The following TECTA variants were observed in gnomAD, a reference collection of about 807,000 sequenced individuals.
TECTA encodes the protein alpha-tectorin.
Under a neutral mutation model 216.8 loss-of-function variants are expected in TECTA, and 128 were observed. That is an observed-to-expected ratio of 0.59 (90% CI 0.51 to 0.68). TECTA has a LOEUF of 0.68. Among genes scored for constraint, TECTA ranks in the 30% least tolerant of loss-of-function variants. The pLI, the probability that TECTA is intolerant of heterozygous loss-of-function variation, is 0.00. For missense variants in TECTA, 2,551 were observed against 2,786.2 expected (o/e 0.92, Z 1.90); for synonymous variants, 1,089 against 1,117.1 (o/e 0.97, Z 0.50).
At position 121,118,290 on chromosome 11, in the gene TECTA, T is replaced by G; in HGVS notation, c.791-16T>G. 6.2e-7 allele frequency: 1 copy of G among 1,614,034 alleles called. No individual in the cohort carries two copies. The highest frequency in any genetic ancestry group is 8.5e-7 in the Non-Finnish European group (1 of 1,180,030). ...AATGCTCAGTAAATGTTGGCTCTAA[T>G]GTCATTATTCCCCAGGACAATTCCT... On this transcript the variant is annotated splice_polypyrimidine_tract_variant and intron_variant, in intron 6 of 23. Transcript: ENST00000392793.
intron 10 of TECTA, among the ~76,000 whole-genome samples, chr11:121,131,136 C>T (rs1365098900): frequency 6.9e-6 from 1 of 144,976 alleles, no homozygotes; most frequent in Non-Finnish European, 1.5e-5. Context: ...ATCGCTTGTA[C>T]CTGGGCTGCG....
Position 121,113,831 on chromosome 11 carries a change from C to G in TECTA, c.790+113C>G, listed in dbSNP as rs2135060595. ...TCCTGATGCCTTACTCTTTTGACAT[C>G]TCTCCGCTGGGTAATGGAGATCAAG... On this transcript the variant is annotated intron_variant, in intron 6 of 23. Transcript: ENST00000392793. The surrounding 1 kb of genome is among the most constrained non-coding windows in gnomAD (Gnocchi z 4.2). The G allele has an allele frequency of 1.6e-6, 2 of 1,270,268 alleles. No individual in the cohort carries two copies. The highest frequency in any genetic ancestry group is 4.9e-5 in the East Asian group (2 of 40,786). The allele number at this position is 1,270,268 out of a possible 1,614,324, so 78.7% of individuals were successfully genotyped here. A position where few individuals can be genotyped will look rare whatever the true frequency, so the allele number is the denominator to read the frequency against.
chr11:121,174,371 A>G (rs1466926081), intron 20 of TECTA, among the ~76,000 whole-genome samples: 2 of 151,710 alleles, frequency 1.3e-5, no homozygotes, highest in African/African-American at 4.9e-5. Flanking sequence ...TCCCATCAAT[A>G]CCTAATTTAT....
intron 20 of TECTA, among the ~76,000 whole-genome samples, chr11:121,182,273 G>T (rs935795399): frequency 6.6e-6 from 1 of 151,946 alleles, no homozygotes; most frequent in Non-Finnish European, 1.5e-5. Context: ...ATCAGTGATG[G>T]CAGTAGCAGC....
intron 20 of TECTA, among the ~76,000 whole-genome samples, chr11:121,187,040 G>T (rs1947295027): frequency 1.3e-5 from 2 of 152,216 alleles, no homozygotes; most frequent in Admixed American, 1.3e-4. Flanking sequence ...CCATTTGTTT[G>T]TGCCTGGTCC....
chr11:121,132,979 A>C (rs1405370147), intron 10 of TECTA, among the ~76,000 whole-genome samples: 3 of 152,070 alleles, frequency 2.0e-5, no homozygotes, highest in Non-Finnish European at 4.4e-5. Flanking sequence ...TGATCCACCC[A>C]CCTTGGTGTC....
chr11:121,113,493 G>T lies in TECTA; in HGVS notation c.625-60G>T. 3 of 1,607,384 alleles carry T rather than the reference G, an allele frequency of 1.9e-6. No individual in the cohort carries two copies. The highest frequency in any genetic ancestry group is 1.7e-6 in the Non-Finnish European group (2 of 1,174,270). ...TGGATTTTAAAAATAAGGTAGTTGG[G>T]CCAGTTAACCCATGGGGAATTTTTG... is the stretch of plus-strand genomic sequence containing the variant. On this transcript the variant is annotated intron_variant, in intron 5 of 23. Transcript: ENST00000392793. The surrounding 1 kb of genome is among the most constrained non-coding windows in gnomAD (Gnocchi z 4.2).
chr11:121,141,507 G>C (rs929551700), intron 11 of TECTA, among the ~76,000 whole-genome samples: 1 of 152,188 alleles, frequency 6.6e-6, no homozygotes, highest in Non-Finnish European at 1.5e-5. Context: ...GACAGGGTAG[G>C]GGGGTGAGCT....
intron 14 of TECTA, among the ~76,000 whole-genome samples, chr11:121,158,763 G>T (rs889794522): frequency 6.6e-6 from 1 of 152,164 alleles, no homozygotes; most frequent in African/African-American, 2.4e-5. Flanking sequence ...GGCTGCTCTT[G>T]GTGGATTTCT....
chr11:121,165,036 A>C (rs952261538), intron 16 of TECTA, among the ~76,000 whole-genome samples: 1 of 152,180 alleles, frequency 6.6e-6, no homozygotes, highest in Admixed American at 6.5e-5. Context: ...AGAGCTTATA[A>C]TACTTAGCTT....
In TECTA at chr11:121,113,801, C is replaced by T; in HGVS notation, c.790+83C>T. On this transcript the variant is annotated intron_variant, in intron 6 of 23. Coordinates refer to ENST00000392793, the MANE Select transcript of TECTA (RefSeq NM_005422.4). The surrounding 1 kb of genome is among the most constrained non-coding windows in gnomAD (Gnocchi z 4.2). ...CAAGCTTTTAAGCCACGGGGGCGGA[C>T]TCATTCCTGATGCCTTACTCTTTTG... 1 of 1,530,094 alleles carries T rather than the reference C, an allele frequency of 6.5e-7. No homozygotes were observed. The highest frequency in any genetic ancestry group is 1.8e-5 in the Admixed American group (1 of 56,542). 94.8% of individuals were successfully genotyped at this position (1,530,094 alleles called of 1,614,324 possible).
intron 10 of TECTA, among the ~76,000 whole-genome samples, chr11:121,134,325 C>CCACACACACACACA (rs6144537): frequency 0.033 from 4,835 of 146,886 alleles, 123 homozygotes; most frequent in East Asian, 0.089. Flanking sequence ...AAAACCAACA[C>CCACACACACACACA]CACACACACA....
chr11:121,119,010 C>CACAT (rs1565520041), intron 7 of TECTA, among the ~76,000 whole-genome samples: 9 of 93,296 alleles, frequency 9.6e-5, no homozygotes, highest in Admixed American at 1.9e-4. Context: ...CACACACACA[C>CACAT]ACACACACAC....
chr11:121,116,088 C>T (rs1487851014), intron 6 of TECTA, among the ~76,000 whole-genome samples: 2 of 152,166 alleles, frequency 1.3e-5, no homozygotes, highest in African/African-American at 2.4e-5. Flanking sequence ...CCTGCCTGGA[C>T]CCTTGCCTCT....
chr11:121,187,253 T>C (rs1947296970), intron 20 of TECTA, among the ~76,000 whole-genome samples: 1 of 152,268 alleles, frequency 6.6e-6, no homozygotes, highest in African/African-American at 2.4e-5. Context: ...GCCTGAGATA[T>C]GTCTTGGCTG....
Position 121,187,958 on chromosome 11 carries a change from G to C in TECTA, c.6126G>C (p.Val2042=). 1 of 1,614,214 alleles carries C rather than the reference G, an allele frequency of 6.2e-7. No homozygotes were observed. Among genetic ancestry groups the C allele is most frequent in the Non-Finnish European group, 8.5e-7 (1 of 1,180,038 alleles). Reference sequence around the variant, plus strand: ...ACGAAGTTCACCTTCACTGTGCAGTGTCACTCTGCGACTCAGAAAAGTACT... The same window carrying C: ...ACGAAGTTCACCTTCACTGTGCAGTCTCACTCTGCGACTCAGAAAAGTACT... The part of the protein sequence containing the change: ...DYDEVHLHCA[V]SLCDSEKYSC... The change falls in exon 21 of 24, where the codon GTG becomes GTC. Residue 2042 remains valine (V), a synonymous_variant. Coordinates refer to ENST00000392793, the MANE Select transcript of TECTA (RefSeq NM_005422.4).
At chr11:121,159,911 G>C (rs1403500886) in intron 14 of TECTA, among the ~76,000 whole-genome samples, 1 of 152,202 alleles carries the variant, frequency 6.6e-6, no homozygotes, top group Non-Finnish European at 1.5e-5. Flanking sequence ...CAGCAAATCT[G>C]CTTGCTGCCT....
chr11:121,154,454 GA>G, intron 13 of TECTA, among the ~76,000 whole-genome samples: 1 of 152,282 alleles, frequency 6.6e-6, no homozygotes, highest in African/African-American at 2.4e-5. Context: ...AGAACATGTG[GA>G]AAAAATTAAT....
chr11:121,148,945 T>C (rs532244390), intron 12 of TECTA, among the ~76,000 whole-genome samples: 1 of 152,284 alleles, frequency 6.6e-6, no homozygotes, highest in Non-Finnish European at 1.5e-5. Flanking sequence ...AGTCCCTTAA[T>C]CGGGGACTGT....
Sources: allele counts gnomAD v4.1 joint callset (sites outside exome capture counted in the v4.1 genomes callset), GRCh38; gene constraint gnomAD v4.1.1; non-coding constraint Gnocchi (gnomAD v3.1); transcripts MANE v1.5; gene names NCBI Gene and HGNC (gene_info 2026-07-23, HGNC 2026-07-21).